The following GUCA1C variants were observed in gnomAD, a reference collection of about 807,000 sequenced individuals.
The protein encoded by GUCA1C is guanylate cyclase activator 1C, also known as guanylyl cyclase-activating protein 3.
A neutral mutation model predicts 16.2 loss-of-function variants in GUCA1C; 15 were observed. The observed-to-expected ratio is 0.93, with a 90% CI of 0.62 to 1.43. The LOEUF (loss-of-function observed/expected upper bound fraction) is 1.43, where lower values mean the gene tolerates loss of function less well. Ranked by LOEUF, GUCA1C falls within the 40% of genes most tolerant of loss-of-function variation. GUCA1C has a pLI of 0.00. For missense variants in GUCA1C, 275 were observed against 244.8 expected (o/e 1.12, Z -0.82); for synonymous variants, 78 against 85.4 (o/e 0.91, Z 0.48).
intron 1 of GUCA1C, among the ~76,000 whole-genome samples, chr3:108,937,854 T>C (rs569245636): frequency 1.3e-5 from 2 of 152,098 alleles, no homozygotes; most frequent in African/African-American, 4.8e-5. Flanking sequence ...GGGTGGATCA[T>C]GAGGTCAGGA....
At chr3:108,942,453 G>C (rs1422435195) in intron 1 of GUCA1C, among the ~76,000 whole-genome samples, 1 of 152,148 alleles carries the variant, frequency 6.6e-6, no homozygotes, top group African/African-American at 2.4e-5. Flanking sequence ...ATATAATCTC[G>C]ATATAACTTT....
chr3:108,913,073 C>G (rs1032078749), intron 3 of GUCA1C, among the ~76,000 whole-genome samples: 1 of 152,048 alleles, frequency 6.6e-6, no homozygotes, highest in Non-Finnish European at 1.5e-5. Flanking sequence ...GTTGACCATT[C>G]TTTTGCAAAC....
At chr3:108,912,876 T>C (rs1056616383) in intron 3 of GUCA1C, among the ~76,000 whole-genome samples, 6 of 152,160 alleles carry the variant, frequency 3.9e-5, no homozygotes, top group Admixed American at 6.5e-5. Flanking sequence ...ATAGGAAATA[T>C]CAAAGTAAAC....
intron 1 of GUCA1C, among the ~76,000 whole-genome samples, chr3:108,931,584 A>G (rs1040594215): frequency 6.6e-6 from 1 of 152,196 alleles, no homozygotes; most frequent in Non-Finnish European, 1.5e-5. Context: ...TTCTGTTAAG[A>G]TTTTGTAGAA....
At chr3:108,924,374 T>A (rs1261740510) in intron 1 of GUCA1C, among the ~76,000 whole-genome samples, 3 of 152,182 alleles carry the variant, frequency 2.0e-5, no homozygotes, top group Non-Finnish European at 4.4e-5. Context: ...TTTTGTCAAA[T>A]GCTTTTTCTG....
At chr3:108,915,529 T>C (rs191428402) in intron 3 of GUCA1C, among the ~76,000 whole-genome samples, 1 of 152,190 alleles carries the variant, frequency 6.6e-6, no homozygotes, top group Non-Finnish European at 1.5e-5. Context: ...AGAAGAAAGG[T>C]ACCTCCTCTG....
rs144537698 is a variant in GUCA1C, at chr3:108,916,118, C to T, written c.442+9G>A. ...GGAAAAGTGATCCAGTAGAGAGTAGCTCCATTACCATCATTGTTTATATCG... is the reference window on the plus strand; with the variant it reads ...GGAAAAGTGATCCAGTAGAGAGTAGTTCCATTACCATCATTGTTTATATCG... On this transcript the variant is annotated intron_variant, in intron 3 of 3. Coordinates refer to ENST00000261047, the MANE Select transcript of GUCA1C (RefSeq NM_005459.4). 1.9e-4 allele frequency: 309 copies of T among 1,612,500 alleles called. No homozygotes were observed. Among genetic ancestry groups the T allele is most frequent in the Non-Finnish European group, 2.4e-4 (279 of 1,178,720 alleles).
At chr3:108,917,908 G>A (rs1946533524) in intron 2 of GUCA1C, among the ~76,000 whole-genome samples, 1 of 152,114 alleles carries the variant, frequency 6.6e-6, no homozygotes, top group Admixed American at 6.5e-5. Flanking sequence ...AGCCAGGCGT[G>A]GTGGCGGGCG....
At chr3:108,935,653 G>T (rs534862586) in intron 1 of GUCA1C, among the ~76,000 whole-genome samples, 2 of 151,922 alleles carry the variant, frequency 1.3e-5, no homozygotes, top group African/African-American at 4.8e-5. Context: ...CCAAGATTGC[G>T]CCACTGCACT....
chr3:108,936,558 G>A (rs1946729723), intron 1 of GUCA1C, among the ~76,000 whole-genome samples: 1 of 152,158 alleles, frequency 6.6e-6, no homozygotes, highest in Non-Finnish European at 1.5e-5. Context: ...CACTCTTAAA[G>A]GCCTTGGTTT....
At chr3:108,929,987 G>A (rs1436275671) in intron 1 of GUCA1C, among the ~76,000 whole-genome samples, 1 of 152,160 alleles carries the variant, frequency 6.6e-6, no homozygotes, top group Non-Finnish European at 1.5e-5. Context: ...TTTAGGTAGT[G>A]TCCCTTATCC....
chr3:108,910,736 G>A (rs1002678083), intron 3 of GUCA1C, among the ~76,000 whole-genome samples: 8 of 150,728 alleles, frequency 5.3e-5, no homozygotes, highest in South Asian at 2.1e-4. Context: ...TGCAAGCTCC[G>A]CCTCCCGGGT....
At chr3:108,939,173 C>T (rs958103903) in intron 1 of GUCA1C, among the ~76,000 whole-genome samples, 4 of 151,982 alleles carry the variant, frequency 2.6e-5, no homozygotes, top group African/African-American at 9.7e-5. Flanking sequence ...TTCAATCAGC[C>T]TTTCTCCTAC....
chr3:108,915,947 G>T (rs1386353967), intron 3 of GUCA1C, 180 bp downstream of exon 3: 1 of 643,274 alleles, frequency 1.6e-6, no homozygotes, highest in Non-Finnish European at 2.6e-6. Context: ...AAATGAATAT[G>T]ATCAATAAAT....
At chr3:108,953,382 T>C (rs1231872583) in intron 1 of GUCA1C, among the ~76,000 whole-genome samples, 177 bp downstream of exon 1, 1 of 151,980 alleles carries the variant, frequency 6.6e-6, no homozygotes, top group African/African-American at 2.4e-5. Flanking sequence ...TTTCATGCCG[T>C]CAGTACTAAA....
At chr3:108,932,341 A>AAC (rs1946677823) in intron 1 of GUCA1C, among the ~76,000 whole-genome samples, 7 of 65,128 alleles carry the variant, frequency 1.1e-4, no homozygotes, top group South Asian at 4.7e-4. Context: ...AAAAAAAAAC[A>AAC]AAAAAAAAAA....
chr3:108,917,911 G>A (rs941139032), intron 2 of GUCA1C, among the ~76,000 whole-genome samples: 1 of 152,166 alleles, frequency 6.6e-6, no homozygotes, highest in African/African-American at 2.4e-5. Flanking sequence ...CAGGCGTGGT[G>A]GCGGGCGCCT....
chr3:108,948,187 T>C (rs959518479), intron 1 of GUCA1C, among the ~76,000 whole-genome samples: 3 of 152,134 alleles, frequency 2.0e-5, no homozygotes, highest in African/African-American at 7.2e-5. Flanking sequence ...AATTGTAATC[T>C]TCAATGTTGG....
intron 1 of GUCA1C, among the ~76,000 whole-genome samples, chr3:108,933,721 T>C (rs1226403623): frequency 6.6e-6 from 1 of 152,162 alleles, no homozygotes; most frequent in Non-Finnish European, 1.5e-5. Flanking sequence ...AACATTTATA[T>C]ACTGTTGGTG....
Sources: allele counts gnomAD v4.1 joint callset (sites outside exome capture counted in the v4.1 genomes callset), GRCh38; gene constraint gnomAD v4.1.1; transcripts MANE v1.5; gene names NCBI Gene and HGNC (gene_info 2026-07-23, HGNC 2026-07-21).